The following MYH15 variants were observed in gnomAD, a reference collection of about 807,000 sequenced individuals.
MYH15 encodes myosin heavy chain 15.
In MYH15, 227 loss-of-function variants were observed where a neutral mutation model predicts 240.5. The ratio of observed to expected loss-of-function variants is 0.94; its 90% confidence interval spans 0.85 to 1.05. The LOEUF is 1.05. Ranked by LOEUF, MYH15 falls within the 50% of genes least tolerant of loss-of-function variation. The pLI is 0.00. For missense variants in MYH15, 2,217 were observed against 2,247.5 expected (o/e 0.99, Z 0.27); for synonymous variants, 785 against 796.7 (o/e 0.99, Z 0.25).
chr3:108,477,328 C>A (rs909986092), intron 11 of MYH15, among the ~76,000 whole-genome samples: 1 of 152,034 alleles, frequency 6.6e-6, no homozygotes, highest in African/African-American at 2.4e-5. Context: ...AAGCAAAAAT[C>A]AAAATAACTA....
At chr3:108,482,587 A>T (rs1036800196) in intron 11 of MYH15, among the ~76,000 whole-genome samples, 1 of 152,226 alleles carries the variant, frequency 6.6e-6, no homozygotes, top group Non-Finnish European at 1.5e-5. Flanking sequence ...CCATAAAAGC[A>T]TATGTGAATA....
chr3:108,533,570 A>T (rs891000282), upstream of MYH15, among the ~76,000 whole-genome samples: 1 of 152,156 alleles, frequency 6.6e-6, no homozygotes, highest in African/African-American at 2.4e-5. Flanking sequence ...GATACACTGG[A>T]ATCTCCAATG....
intron 36 of MYH15, among the ~76,000 whole-genome samples, chr3:108,393,161 C>A (rs1198324986): frequency 6.6e-6 from 1 of 152,180 alleles, no homozygotes; most frequent in Non-Finnish European, 1.5e-5. Context: ...GTCCTGTCTC[C>A]TAGTTTAGCA....
upstream of MYH15, among the ~76,000 whole-genome samples, chr3:108,512,170 G>A (rs78156055): frequency 0.028 from 4,310 of 152,238 alleles, 227 homozygotes; most frequent in African/African-American, 0.098. Context: ...ATTTTTCTGC[G>A]GGTGAGCATT....
At chr3:108,430,025 T>C (rs2082765034) in intron 26 of MYH15, among the ~76,000 whole-genome samples, 1 of 152,212 alleles carries the variant, frequency 6.6e-6, no homozygotes, top group African/African-American at 2.4e-5. Flanking sequence ...TTGTGTTTTT[T>C]TACTTTATTT....
chr3:108,474,291 G>C (rs28709688), intron 12 of MYH15, among the ~76,000 whole-genome samples: 2 of 151,406 alleles, frequency 1.3e-5, no homozygotes, highest in Admixed American at 6.6e-5. Flanking sequence ...AGCGAGAGGA[G>C]GAGGATTTTT....
At chr3:108,504,065 T>G (rs566706751) in intron 2 of MYH15, among the ~76,000 whole-genome samples, 3 of 152,224 alleles carry the variant, frequency 2.0e-5, no homozygotes, top group Non-Finnish European at 4.4e-5. Context: ...ACCAATTATA[T>G]GCTCCTATTT....
rs200445273 is a variant in MYH15 at position 108,439,873 on chromosome 3, T to C, written c.2939A>G (p.Asp980Gly). The change falls in exon 24 of 41, where the codon GAT becomes GGT. Residue 980 changes from aspartate (D) to glycine (G), a missense_variant. By Grantham distance (94) the Asp-to-Gly change is moderately conservative. Coordinates refer to ENST00000693548, the MANE Select transcript of MYH15 (RefSeq NM_014981.3). Reference protein sequence around the residue: ...LTEEVEFLNEDISKLNRAAKV... With the variant: ...LTEEVEFLNEGISKLNRAAKV... ...GGCTGCTCTGTTAAGTTTGCTGATA[T>C]CCTCATTTAGAAACTCTACTTCCTC... The C allele has an allele frequency of 2.1e-5, 34 of 1,609,796 alleles. No homozygotes were observed. The Middle Eastern group carries it at 6.6e-4, about 31-fold the overall frequency.
intron 21 of MYH15, among the ~76,000 whole-genome samples, chr3:108,453,400 A>G (rs946779827): frequency 1.3e-5 from 2 of 152,246 alleles, no homozygotes; most frequent in African/African-American, 4.8e-5. Flanking sequence ...CTAACGAAAA[A>G]GTAAATACAA....
At chr3:108,491,470 C>A (rs2083347664) in intron 9 of MYH15, among the ~76,000 whole-genome samples, 1 of 152,038 alleles carries the variant, frequency 6.6e-6, no homozygotes, top group Non-Finnish European at 1.5e-5. Context: ...ATCACTCTTC[C>A]TCATTCTTAC....
chr3:108,496,612 T>C (rs1185507339), intron 6 of MYH15, among the ~76,000 whole-genome samples: 2 of 152,180 alleles, frequency 1.3e-5, no homozygotes, highest in African/African-American at 2.4e-5. Flanking sequence ...TATAGTATAC[T>C]GTACTCAATA....
intron 40 of MYH15, 124 bp downstream of exon 40, chr3:108,383,471 G>T: frequency 9.5e-7 from 1 of 1,049,002 alleles, no homozygotes; most frequent in Non-Finnish European, 1.3e-6. Context: ...GGAACCCTTT[G>T]TTCTTATCTT....
chr3:108,394,505 A>C (rs1017892845), intron 35 of MYH15, among the ~76,000 whole-genome samples: 3 of 152,234 alleles, frequency 2.0e-5, no homozygotes, highest in African/African-American at 7.2e-5. Flanking sequence ...CAAGTGTTCT[A>C]GAGCAGAAGT....
At chr3:108,507,128 C>A (rs1362547195) in intron 1 of MYH15, among the ~76,000 whole-genome samples, 1 of 151,492 alleles carries the variant, frequency 6.6e-6, no homozygotes, top group African/African-American at 2.4e-5. Context: ...ATCACTTGAA[C>A]CCAGGAGTTG....
intron 25 of MYH15, among the ~76,000 whole-genome samples, chr3:108,436,556 T>C (rs531653817): frequency 6.6e-6 from 1 of 152,310 alleles, no homozygotes; most frequent in South Asian, 2.1e-4. Context: ...GTGGCCTTTT[T>C]TGAGACAGAG....
In MYH15 at chr3:108,421,438, G is replaced by A. The variant is rs1001331364; in HGVS notation, c.3703-224C>T. On this transcript the variant is annotated intron_variant, in intron 27 of 40. Coordinates refer to ENST00000693548, the MANE Select transcript of MYH15 (RefSeq NM_014981.3). Reference sequence around the variant, plus strand: ...AACTTTGCAGAGTATAGGTGTCACGGGAGACACCCAACTTCCTGGGTATTA... The same window carrying A: ...AACTTTGCAGAGTATAGGTGTCACGAGAGACACCCAACTTCCTGGGTATTA... Among the ~76,000 whole-genome samples, 6 of 152,172 alleles carry A rather than the reference G, an allele frequency of 3.9e-5. No individual in the cohort carries two copies. In the East Asian group the frequency reaches 7.7e-4, roughly 20 times the overall value.
rs1369771246 is a variant in MYH15, at chr3:108,486,415, A to G, written c.975+8T>C. 6.2e-7 allele frequency: 1 copy of G among 1,600,120 alleles called. No individual in the cohort carries two copies. The highest frequency in any genetic ancestry group is 2.2e-5 in the East Asian group (1 of 44,674). ...CCAGATTTTGCTTTGACAACTAACA[A>G]GCCTTACTTCTGTGGCCAGCAATTC... On this transcript the variant is annotated splice_region_variant and intron_variant, in intron 10 of 40. Coordinates refer to ENST00000693548, the MANE Select transcript of MYH15 (RefSeq NM_014981.3).
chr3:108,478,590 C>T (rs745600123), intron 11 of MYH15, among the ~76,000 whole-genome samples: 20 of 103,784 alleles, frequency 1.9e-4, no homozygotes, highest in African/African-American at 3.0e-4. Flanking sequence ...ATTTAAAAGA[C>T]GGGAAGAAAT....
In MYH15 at chr3:108,463,185, AC is replaced by A; in HGVS notation, c.1789del (p.Val597TrpfsTer2). Reference protein sequence around the residue: ...EKNKDLLNETVVAVFQKSSNR... With the variant: ...EKNKDLLNETXVAVFQKSSNR... ...GGAAGACTTCTGAAATACAGCTACC[AC>A]TGTTTCATTAAGGAGGTCTTTGTTC... On this transcript the variant is annotated frameshift_variant, in exon 16 of 41. Coordinates refer to ENST00000693548, the MANE Select transcript of MYH15 (RefSeq NM_014981.3). LOFTEE classifies it high-confidence loss of function. 6.2e-7 allele frequency: 1 copy of A among 1,613,246 alleles called. No individual in the cohort carries two copies. Among genetic ancestry groups the A allele is most frequent in the Non-Finnish European group, 8.5e-7 (1 of 1,179,492 alleles).
Sources: allele counts gnomAD v4.1 joint callset (sites outside exome capture counted in the v4.1 genomes callset), GRCh38; gene constraint gnomAD v4.1.1; transcripts MANE v1.5; gene names NCBI Gene and HGNC (gene_info 2026-07-23, HGNC 2026-07-21).